CLN8: variants seen among roughly 807,000 people sequenced by gnomAD.
CLN8 encodes the protein protein CLN8.
In CLN8, 14 loss-of-function variants were observed where a neutral mutation model predicts 15.7. The ratio of observed to expected loss-of-function variants is 0.89; its 90% CI spans 0.59 to 1.39. The LOEUF is 1.39. CLN8 is among the 40% of genes most tolerant of loss of function. The probability of loss-of-function intolerance (pLI) is 0.00; values close to 1 mark genes in which losing one functional copy is unlikely to be tolerated. For missense variants in CLN8, 415 were observed against 364.0 expected, an observed-to-expected ratio of 1.14 and a Z score of -1.14; for synonymous variants, 188 against 151.0, an observed-to-expected ratio of 1.25 and a Z score of -1.80.
intron 2 of CLN8, among the ~76,000 whole-genome samples, chr8:1,778,859 T>C (rs1801612574): frequency 6.6e-6 from 1 of 152,210 alleles, no homozygotes; most frequent in South Asian, 2.1e-4. Flanking sequence ...AGGATGGGGT[T>C]ACATCCCAAT....
intron 2 of CLN8, among the ~76,000 whole-genome samples, chr8:1,777,481 T>G (rs1184563914): frequency 6.6e-6 from 1 of 152,216 alleles, no homozygotes; most frequent in African/African-American, 2.4e-5. Context: ...ACTGTAACAT[T>G]TTTACTTTAT....
intron 1 of CLN8, chr8:1,765,317 T>C (rs750632562): frequency 8.5e-5 from 13 of 152,228 alleles, no homozygotes; most frequent in Non-Finnish European, 1.5e-4. Flanking sequence ...GCTTGTATAC[T>C]GTTATCCCCT....
chr8:1,780,129 T>C, intron 2 of CLN8, 121 bp from the exon 3 acceptor site: 1 of 1,563,830 alleles, frequency 6.4e-7, no homozygotes, highest in Non-Finnish European at 8.6e-7. Context: ...GAGGAAATTC[T>C]TTTGCTTTGA....
At chr8:1,756,742 G>A (rs539102728) in intron 1 of CLN8, among the ~76,000 whole-genome samples, 1 of 149,042 alleles carries the variant, frequency 6.7e-6, no homozygotes, top group East Asian at 2.0e-4. Flanking sequence ...GAGTGCAATG[G>A]CATGATCTCT....
chr8:1,767,427 T>C (rs1222676851), intron 1 of CLN8, among the ~76,000 whole-genome samples: 2 of 152,192 alleles, frequency 1.3e-5, no homozygotes, highest in Non-Finnish European at 2.9e-5. Flanking sequence ...TCTGTAGATA[T>C]GGTAATCTCT....
At chr8:1,761,688 G>T (rs1448847461), upstream of CLN8, among the ~76,000 whole-genome samples, 1 of 152,234 alleles carries the variant, frequency 6.6e-6, no homozygotes, top group Non-Finnish European at 1.5e-5. Flanking sequence ...GGAGCACTGA[G>T]GGGTCAGATC....
chr8:1,770,838 T>C (rs1412262112), intron 1 of CLN8, 94 bp from the exon 2 acceptor site: 2 of 604,958 alleles, frequency 3.3e-6, no homozygotes, highest in African/African-American at 3.7e-5. Context: ...AGGTACAGAA[T>C]TAAATATTTT....
In CLN8 at chr8:1,780,126, T is replaced by C. The variant is rs12546965; in HGVS notation, c.544-124T>C. 0.091 allele frequency: 140,920 copies of C among 1,555,604 alleles called. 7,119 individuals carry two copies. The highest frequency in any genetic ancestry group is 0.1 in the Non-Finnish European group (120,876 of 1,153,152). ...TGAGAGCAGAGCCCTGGGGAGGAAA[T>C]TCTTTTGCTTTGAAATGAATTTGTT... On this transcript the variant is annotated intron_variant, in intron 2 of 2. Transcript: ENST00000331222.
Position 1,782,480 on chromosome 8 carries a change from A to T in CLN8, c.*1913A>T, listed in dbSNP as rs1262971042. ...TATTTTGATTGCTGGTGCTTTAACT[A>T]TATTGACCAAGGTGTATAGTAACCT... is the stretch of plus-strand genomic sequence containing the variant. On this transcript the variant is annotated 3_prime_UTR_variant, in exon 3 of 3. Coordinates refer to ENST00000331222, the MANE Select transcript of CLN8 (RefSeq NM_018941.4). 6.6e-6 allele frequency: 1 copy of T among 152,182 alleles called. No homozygotes were observed. Among genetic ancestry groups the T allele is most frequent in the South Asian group, 2.1e-4 (1 of 4,818 alleles). The allele number at this position is 152,182 out of a possible 1,614,324, so 9.4% of individuals were successfully genotyped here. A position where few individuals can be genotyped will look rare whatever the true frequency, so the allele number is the denominator to read the frequency against.
chr8:1,771,794 G>A (rs946579363), intron 2 of CLN8, among the ~76,000 whole-genome samples, 197 bp downstream of exon 2: 1 of 152,050 alleles, frequency 6.6e-6, no homozygotes, highest in Non-Finnish European at 1.5e-5. Flanking sequence ...TCTGGCTCTC[G>A]TCCAGGCTGG....
upstream of CLN8, chr8:1,759,480 G>C (rs1800742403): frequency 2.0e-5 from 3 of 152,262 alleles, no homozygotes; most frequent in African/African-American, 4.8e-5. Context: ...CGTGCCACAG[G>C]CAGGCCAGGT....
At chr8:1,777,080 C>G (rs1050321811) in intron 2 of CLN8, among the ~76,000 whole-genome samples, 2 of 152,244 alleles carry the variant, frequency 1.3e-5, no homozygotes, top group Admixed American at 6.5e-5. Flanking sequence ...CATAGAGTAC[C>G]TTTCTACATG....
intron 2 of CLN8, among the ~76,000 whole-genome samples, chr8:1,776,861 G>T (rs1345285277): frequency 6.6e-6 from 1 of 152,206 alleles, no homozygotes; most frequent in African/African-American, 2.4e-5. Context: ...CCCATCATCA[G>T]TGGAAAGGGC....
At chr8:1,779,809 T>C (rs1801651993) in intron 2 of CLN8, among the ~76,000 whole-genome samples, 1 of 152,200 alleles carries the variant, frequency 6.6e-6, no homozygotes, top group South Asian at 2.1e-4. Context: ...AATCTCATCA[T>C]GGGGCCTTAC....
intron 2 of CLN8, chr8:1,773,693 T>A (rs951872482): frequency 6.6e-6 from 1 of 152,414 alleles, no homozygotes; most frequent in Non-Finnish European, 1.5e-5. Context: ...CCTGGGTTTC[T>A]CTGGAGTGAG....
At chr8:1,759,993 G>A (rs541741078), upstream of CLN8, 1 of 152,200 alleles carries the variant, frequency 6.6e-6, no homozygotes, top group East Asian at 1.9e-4. Context: ...TTTTGTAATG[G>A]AACAACCAAA....
intron 1 of CLN8, among the ~76,000 whole-genome samples, chr8:1,769,249 G>C (rs2130984621): frequency 6.6e-6 from 1 of 152,320 alleles, no homozygotes; most frequent in East Asian, 1.9e-4. Flanking sequence ...CAGGTCCCAG[G>C]ACTCACATTC....
At position 1,784,610 on chromosome 8, in the gene CLN8, C is replaced by G. The variant is rs1417772004; in HGVS notation, c.*4043C>G. 2.6e-5 allele frequency: 4 copies of G among 152,288 alleles called. No homozygotes were observed. Among genetic ancestry groups the G allele is most frequent in the African/African-American group, 4.8e-5 (2 of 41,450 alleles). The allele number at this position is 152,288 out of a possible 1,614,324, so 9.4% of individuals were successfully genotyped here. On this transcript the variant is annotated 3_prime_UTR_variant, in exon 3 of 3. Transcript: ENST00000331222. The stretch of plus-strand genomic sequence containing the variant: ...ATGTCCGAATTTTGTGAGCTCCACA[C>G]GGGCAGGGTTGCATCTGTTTTATTC...
intron 2 of CLN8, among the ~76,000 whole-genome samples, chr8:1,779,112 T>C (rs1017200760): frequency 6.6e-6 from 1 of 152,220 alleles, no homozygotes; most frequent in South Asian, 2.1e-4. Flanking sequence ...TTCTACTGAG[T>C]GTGTATCATC....
Sources: allele counts gnomAD v4.1 joint callset (sites outside exome capture counted in the v4.1 genomes callset), GRCh38; gene constraint gnomAD v4.1.1; transcripts MANE v1.5; gene names NCBI Gene and HGNC (gene_info 2026-07-23, HGNC 2026-07-21).